Variants in EYS observed in about 807,000 individuals in gnomAD.
The protein encoded by EYS is protein eyes shut homolog.
Under a neutral mutation model 282.1 loss-of-function variants are expected in EYS, and 250 were observed. That is an observed-to-expected ratio of 0.89 (90% CI 0.80 to 0.98). The LOEUF (loss-of-function observed/expected upper bound fraction) is 0.98, where lower values mean the gene tolerates loss of function less well. Ranked by LOEUF, EYS falls within the 50% of genes least tolerant of loss-of-function variation. The pLI is 0.00. For missense variants in EYS, 4,016 were observed against 3,709.0 expected, an observed-to-expected ratio of 1.08 and a Z score of -2.15; for synonymous variants, 1,355 against 1,282.9, an observed-to-expected ratio of 1.06 and a Z score of -1.20.
At chr6:65,143,998 T>C (rs1261678352) in intron 12 of EYS, among the ~76,000 whole-genome samples, 1 of 152,080 alleles carries the variant, frequency 6.6e-6, no homozygotes, top group East Asian at 1.9e-4. Flanking sequence ...AATGAAAATG[T>C]CCATATTGCC....
intron 31 of EYS, among the ~76,000 whole-genome samples, chr6:64,096,894 TG>T (rs1159396804): frequency 2.0e-5 from 3 of 152,224 alleles, no homozygotes; most frequent in Non-Finnish European, 4.4e-5. Context: ...TATCTACCTT[TG>T]GTGTTTGATG....
At chr6:64,946,178 T>G (rs1053407386) in intron 14 of EYS, among the ~76,000 whole-genome samples, 1 of 152,012 alleles carries the variant, frequency 6.6e-6, no homozygotes, top group Non-Finnish European at 1.5e-5. Flanking sequence ...ATGCTCACAA[T>G]GTAGAATTAT....
At chr6:64,707,095 A>ATAT (rs1476852387) in intron 22 of EYS, among the ~76,000 whole-genome samples, 2 of 131,254 alleles carry the variant, frequency 1.5e-5, no homozygotes, top group African/African-American at 5.5e-5. Context: ...AAATTGTGAG[A>ATAT]TATATATGCA....
At chr6:63,768,782 C>T (rs746607504) in intron 40 of EYS, among the ~76,000 whole-genome samples, 3 of 151,910 alleles carry the variant, frequency 2.0e-5, no homozygotes, top group East Asian at 1.9e-4. Context: ...GTATGTTAAC[C>T]GCAGCACTAT....
At chr6:64,216,062 G>A (rs922752530) in intron 31 of EYS, among the ~76,000 whole-genome samples, 1 of 152,174 alleles carries the variant, frequency 6.6e-6, no homozygotes. Context: ...ATGGCAGGAG[G>A]TTGAAGGAAA....
chr6:65,624,353 A>C (rs999600387), intron 2 of EYS, among the ~76,000 whole-genome samples: 1 of 152,150 alleles, frequency 6.6e-6, no homozygotes, highest in Non-Finnish European at 1.5e-5. Context: ...GCTAAAAGAA[A>C]CTTTGCAGAG....
chr6:64,176,523 GTGTT>G (rs926904350), intron 31 of EYS, among the ~76,000 whole-genome samples: 10 of 151,758 alleles, frequency 6.6e-5, no homozygotes, highest in African/African-American at 2.4e-4. Context: ...GTGTGTGTGT[GTGTT>G]TGTGTATGTA....
At chr6:64,780,819 G>A (rs1279281867) in intron 22 of EYS, among the ~76,000 whole-genome samples, 1 of 151,964 alleles carries the variant, frequency 6.6e-6, no homozygotes, top group Non-Finnish European at 1.5e-5. Context: ...TTCTATAGAG[G>A]AATTCACCAT....
intron 10 of EYS, among the ~76,000 whole-genome samples, chr6:65,342,715 A>C (rs1415823583): frequency 6.6e-6 from 1 of 150,636 alleles, no homozygotes; most frequent in Non-Finnish European, 1.5e-5. Flanking sequence ...AAAGTTGTTA[A>C]AGTTATATAA....
At chr6:64,743,169 A>G (rs535455099) in intron 22 of EYS, among the ~76,000 whole-genome samples, 1 of 152,268 alleles carries the variant, frequency 6.6e-6, no homozygotes, top group East Asian at 1.9e-4. Flanking sequence ...TTACAGCATA[A>G]GACTAATATC....
chr6:64,937,763 C>A (rs1394222573), intron 15 of EYS, among the ~76,000 whole-genome samples: 1 of 151,556 alleles, frequency 6.6e-6, no homozygotes, highest in African/African-American at 2.4e-5. Flanking sequence ...ACTCTATGAT[C>A]CAGCAATTCT....
At chr6:64,525,413 A>G (rs1420574849) in intron 26 of EYS, among the ~76,000 whole-genome samples, 1 of 151,882 alleles carries the variant, frequency 6.6e-6, no homozygotes, top group East Asian at 1.9e-4. Context: ...TTAGCAAACT[A>G]ACGCAGGGAC....
At chr6:65,692,671 CAT>C (rs1018782472) in intron 1 of EYS, among the ~76,000 whole-genome samples, 5 of 149,696 alleles carry the variant, frequency 3.3e-5, no homozygotes, top group African/African-American at 1.2e-4. Context: ...GGGACTAAAA[CAT>C]ATAATTTTTT....
At chr6:63,846,254 A>C (rs1347812373) in intron 36 of EYS, among the ~76,000 whole-genome samples, 1 of 152,180 alleles carries the variant, frequency 6.6e-6, no homozygotes, top group Non-Finnish European at 1.5e-5. Flanking sequence ...TCAGCAGGGC[A>C]GCCACTGTGG....
intron 5 of EYS, among the ~76,000 whole-genome samples, chr6:65,458,988 T>A (rs1227913879): frequency 6.6e-6 from 1 of 152,132 alleles, no homozygotes; most frequent in African/African-American, 2.4e-5. Flanking sequence ...TTACAAAAAA[T>A]TTAATTAAAA....
Position 63,720,876 on chromosome 6 carries a change from T to C in EYS, c.9155A>G (p.Asn3052Ser). 2 of 1,551,178 alleles carry C rather than the reference T, an allele frequency of 1.3e-6. No individual in the cohort carries two copies. Among genetic ancestry groups the C allele is most frequent in the Non-Finnish European group, 8.7e-7 (1 of 1,146,620 alleles). The change falls in exon 43 of 43, where the codon AAT becomes AGT. Residue 3052 changes from asparagine to serine, a missense_variant. By Grantham distance (46) the Asn-to-Ser change is conservative (BLOSUM62 1). Coordinates refer to ENST00000503581, the MANE Select transcript of EYS (RefSeq NM_001142800.2). ...NKWHHVVVIQ[N>S]QTLIKAYINN... The stretch of plus-strand genomic sequence containing the variant: ...TATGTAGGCCTTGATAAGAGTCTGA[T>C]TTTGAATTACAACTACATGGTGCCA...
chr6:64,096,703 CCTT>C (rs2150255958), intron 31 of EYS, among the ~76,000 whole-genome samples: 1 of 152,304 alleles, frequency 6.6e-6, no homozygotes, highest in East Asian at 1.9e-4. Context: ...CAAACTTCCT[CCTT>C]TTAGCTCGGT....
At chr6:63,896,294 A>T (rs1242612984) in intron 35 of EYS, among the ~76,000 whole-genome samples, 1 of 152,114 alleles carries the variant, frequency 6.6e-6, no homozygotes, top group Non-Finnish European at 1.5e-5. Flanking sequence ...GCACTGAATC[A>T]TTTGTTTTTA....
chr6:64,844,590 T>C (rs1765666028), intron 19 of EYS, among the ~76,000 whole-genome samples: 1 of 152,104 alleles, frequency 6.6e-6, no homozygotes, highest in Non-Finnish European at 1.5e-5. Context: ...CTACTAGTTC[T>C]AAGTGAATTA....
Sources: allele counts gnomAD v4.1 joint callset (sites outside exome capture counted in the v4.1 genomes callset), GRCh38; gene constraint gnomAD v4.1.1; transcripts MANE v1.5; gene names NCBI Gene and HGNC (gene_info 2026-07-23, HGNC 2026-07-21).